BCAT1: variants seen among roughly 807,000 people sequenced by gnomAD.
BCAT1 encodes branched-chain-amino-acid aminotransferase, cytosolic.
Under a neutral mutation model 52.4 loss-of-function variants are expected in BCAT1, and 48 were observed. The observed-to-expected ratio is 0.92, with a 90% CI of 0.73 to 1.16. The LOEUF (loss-of-function observed/expected upper bound fraction) is 1.16. Among genes scored for constraint, BCAT1 ranks in the 50% most tolerant of loss-of-function variants. BCAT1 has a pLI of 0.00. For synonymous variants in BCAT1, 167 were observed against 161.3 expected, an observed-to-expected ratio of 1.04 and a Z score of -0.27; for missense variants, 451 against 457.1, an observed-to-expected ratio of 0.99 and a Z score of 0.12.
chr12:24,894,546 GA>G (rs61127951), intron 2 of BCAT1, 71 bp from the exon 3 acceptor site: 156,368 of 880,230 alleles, frequency 0.18, 4,270 homozygotes, highest in East Asian at 0.3. Flanking sequence ...ATACAGAGGG[GA>G]AAAAAAAAAA....
At chr12:24,822,603 G>T (rs1392361505) in intron 10 of BCAT1, among the ~76,000 whole-genome samples, 1 of 152,198 alleles carries the variant, frequency 6.6e-6, no homozygotes, top group Non-Finnish European at 1.5e-5. Context: ...TTGCCATCTT[G>T]TAAGAGTAAT....
chr12:24,844,213 A>G lies in BCAT1; in HGVS notation c.675-1989T>C, dbSNP rs57786026. On this transcript the variant is annotated intron_variant, in intron 6 of 10. Coordinates refer to ENST00000261192, the MANE Select transcript of BCAT1 (RefSeq NM_005504.7). ...GAGGCTGAGGTGGGCAGATCACCTG[A>G]GGTTGGGAGTTTGAGACCATCCTGA... Among the ~76,000 whole-genome samples the G allele has an allele frequency of 9.2e-3, 1,387 of 151,452 alleles. 13 individuals are homozygous for G. Among genetic ancestry groups the G allele is most frequent in the African/African-American group, 0.032 (1,339 of 41,300 alleles).
At chr12:24,928,980 C>G (rs1319148402) in intron 1 of BCAT1, among the ~76,000 whole-genome samples, 2 of 151,970 alleles carry the variant, frequency 1.3e-5, no homozygotes, top group African/African-American at 4.8e-5. Flanking sequence ...AGGCTGGCCT[C>G]GAACTCCTGA....
At position 24,926,003 on chromosome 12, in the gene BCAT1, G is replaced by A. The variant is rs200021731; in HGVS notation, c.6+22924C>T. Among the ~76,000 whole-genome samples the A allele has an allele frequency of 5.6e-3, 843 of 151,170 alleles. 42 individuals are homozygous for A. The East Asian group carries it at 0.089, about 16-fold the overall frequency. ...AGTGCCGAGATTGCAGCCTCTGCCC[G>A]GCCGCCACCCCATCTGGGAAGTGAG... On this transcript the variant is annotated intron_variant, in intron 1 of 10. Transcript: ENST00000261192.
At chr12:24,840,492 A>G (rs1182151023) in intron 7 of BCAT1, among the ~76,000 whole-genome samples, 1 of 152,230 alleles carries the variant, frequency 6.6e-6, no homozygotes, top group African/African-American at 2.4e-5. Context: ...ATATTCCTGT[A>G]TAAATTTTAT....
rs759322293 is a variant in BCAT1, at chr12:24,832,704, G to A, written c.1044+19C>T. On this transcript the variant is annotated intron_variant, in intron 9 of 10. Transcript: ENST00000261192. ...AATGTGATTGGAAATGATAGGAAAT[G>A]AGGAAATACTTGTCGTACCTCGCCT... The A allele has an allele frequency of 1.3e-6, 2 of 1,591,920 alleles. No homozygotes were observed. Among genetic ancestry groups the A allele is most frequent in the Non-Finnish European group, 8.6e-7 (1 of 1,168,440 alleles).
intron 8 of BCAT1, chr12:24,834,481 A>T (rs578073108): frequency 7.1e-6 from 7 of 980,570 alleles, no homozygotes; most frequent in Non-Finnish European, 8.5e-6. Flanking sequence ...TCAAGTTCAA[A>T]GTTTGTCAAC....
At chr12:24,934,419 T>C (rs1290368721) in intron 1 of BCAT1, among the ~76,000 whole-genome samples, 2 of 152,224 alleles carry the variant, frequency 1.3e-5, no homozygotes, top group African/African-American at 2.4e-5. Context: ...AACGGACTAA[T>C]ACACCCTCAC....
At chr12:24,911,434 C>A (rs1018315551) in intron 1 of BCAT1, among the ~76,000 whole-genome samples, 5 of 152,198 alleles carry the variant, frequency 3.3e-5, no homozygotes, top group African/African-American at 1.2e-4. Context: ...CCCTCAGGAC[C>A]CTGCTCGAAG....
At chr12:24,914,510 GA>G (rs1943378362) in intron 1 of BCAT1, among the ~76,000 whole-genome samples, 1 of 152,152 alleles carries the variant, frequency 6.6e-6, no homozygotes, top group South Asian at 2.1e-4. Context: ...AGGCCTCTAT[GA>G]ATCAAGCAAT....
At chr12:24,822,633 T>C (rs1436940569) in intron 10 of BCAT1, among the ~76,000 whole-genome samples, 1 of 152,236 alleles carries the variant, frequency 6.6e-6, no homozygotes, top group African/African-American at 2.4e-5. Flanking sequence ...TTAAGTTCCA[T>C]GCACATAGGC....
At chr12:24,944,995 T>G (rs1441602727) in intron 1 of BCAT1, among the ~76,000 whole-genome samples, 1 of 152,196 alleles carries the variant, frequency 6.6e-6, no homozygotes, top group African/African-American at 2.4e-5. Context: ...ACCAAAAAGG[T>G]ATAACAGTAG....
At chr12:24,891,056 A>C (rs781679903) in intron 3 of BCAT1, among the ~76,000 whole-genome samples, 19 of 152,136 alleles carry the variant, frequency 1.2e-4, no homozygotes, top group Non-Finnish European at 2.2e-4. Context: ...AGAGTAGAGG[A>C]AAAACTCGGT....
chr12:24,894,543 G>T, intron 2 of BCAT1, 68 bp from the exon 3 acceptor site: 2 of 1,272,980 alleles, frequency 1.6e-6, no homozygotes, highest in Non-Finnish European at 1.1e-6. Flanking sequence ...ATTATACAGA[G>T]GGGAAAAAAA....
At chr12:24,836,978 AGAGG>A (rs1330882528) in intron 7 of BCAT1, among the ~76,000 whole-genome samples, 33 of 142,828 alleles carry the variant, frequency 2.3e-4, no homozygotes, top group South Asian at 1.9e-3. Flanking sequence ...AGAAAGAGAG[AGAGG>A]GAGGGAGGGA....
chr12:24,906,185 C>T (rs941165765), intron 1 of BCAT1, among the ~76,000 whole-genome samples: 3 of 149,934 alleles, frequency 2.0e-5, no homozygotes, highest in Non-Finnish European at 3.0e-5. Flanking sequence ...GAGACACCAT[C>T]TCAAAAAAAA....
intron 5 of BCAT1, among the ~76,000 whole-genome samples, chr12:24,871,719 G>A (rs1008912473): frequency 2.0e-5 from 3 of 152,036 alleles, no homozygotes; most frequent in African/African-American, 4.8e-5. Context: ...AAACTCCAAA[G>A]AGTAAAAAAC....
chr12:24,832,644 C>A lies in BCAT1; in HGVS notation c.1044+79G>T, dbSNP rs1591785779. On this transcript the variant is annotated intron_variant, in intron 9 of 10. Transcript: ENST00000261192. The stretch of plus-strand genomic sequence containing the variant: ...TGCATCTTGGGTCTGGGTCCAGATA[C>A]AATTTTATTCATACACTTAAATTAA... The A allele has an allele frequency of 2.8e-6, 4 of 1,436,284 alleles. No individual in the cohort carries two copies. The East Asian group carries it at 7.5e-5, about 27-fold the overall frequency. The allele number at this position is 1,436,284 out of a possible 1,614,324, so 89.0% of individuals were successfully genotyped here.
At chr12:24,904,090 C>T in intron 1 of BCAT1, 1 of 152,334 alleles carries the variant, frequency 6.6e-6, no homozygotes, top group Non-Finnish European at 1.5e-5. Flanking sequence ...ACAGAAAGGC[C>T]TCTTACGCTG....
Sources: gnomAD v4.1 joint callset for allele counts (sites outside exome capture counted in the v4.1 genomes callset) on GRCh38, gnomAD v4.1.1 for gene constraint, MANE v1.5 for transcripts, NCBI Gene and HGNC (gene_info 2026-07-23, HGNC 2026-07-21) for gene names.